DIS3L2: variants seen among roughly 807,000 people sequenced by gnomAD.
DIS3L2 encodes DIS3 like 3'-5' exoribonuclease 2.
In DIS3L2, 34 loss-of-function variants were observed where a neutral mutation model predicts 97.5. The observed-to-expected ratio is 0.35, with a 90% confidence interval of 0.27 to 0.46. The LOEUF (loss-of-function observed/expected upper bound fraction) is 0.46. Ranked by LOEUF, DIS3L2 falls within the 20% of genes least tolerant of loss-of-function variation. DIS3L2 has a pLI of 1.00. For synonymous variants in DIS3L2, 435 were observed against 445.2 expected, an observed-to-expected ratio of 0.98 and a Z score of 0.29; for missense variants, 1,038 against 1,146.0, an observed-to-expected ratio of 0.91 and a Z score of 1.36.
intron 4 of DIS3L2, among the ~76,000 whole-genome samples, chr2:232,029,084 T>C (rs1694736185): frequency 6.6e-6 from 1 of 152,200 alleles, no homozygotes; most frequent in South Asian, 2.1e-4. Context: ...TTGAGTGTTA[T>C]GTTCAATCTT....
chr2:232,027,410 A>G (rs1694688621), intron 4 of DIS3L2, among the ~76,000 whole-genome samples: 1 of 152,208 alleles, frequency 6.6e-6, no homozygotes, highest in Admixed American at 6.5e-5. Context: ...GCAGGAATGA[A>G]TATGAAAGAT....
intron 14 of DIS3L2, 27 bp from the exon 15 acceptor site, chr2:232,329,786 C>CCCCGG: frequency 2.3e-6 from 1 of 430,238 alleles, no homozygotes; most frequent in Non-Finnish European, 4.2e-6. Context: ...CCCCAGCGGT[C>CCCCGG]CCTCCCATCC....
chr2:232,136,614 T>C lies in DIS3L2; in HGVS notation c.845T>C (p.Leu282Pro). ...DHRVPRIYVP[L>P]KDCPQDFVAR... ...CGAGTGCCTAGAATTTATGTGCCTC[T>C]CAAGGACTGTCCCCAGGACTTTGTG... Residue 282 changes from leucine (L) to proline (P), a missense_variant, in exon 8 of 21, where the codon CTC becomes CCC. This residue lies in a region of DIS3L2 where 813 missense variants were observed against 880.1 expected (regional missense o/e 0.92). Transcript: ENST00000325385. 1 of 1,613,986 alleles carries C rather than the reference T, an allele frequency of 6.2e-7. No individual in the cohort carries two copies. The highest frequency in any genetic ancestry group is 1.3e-5 in the African/African-American group (1 of 74,984).
At chr2:232,271,215 A>G (rs906801420) in intron 13 of DIS3L2, among the ~76,000 whole-genome samples, 1 of 152,188 alleles carries the variant, frequency 6.6e-6, no homozygotes, top group African/African-American at 2.4e-5. Context: ...CTTTCCTCTC[A>G]TTAGAATCCT....
At chr2:231,994,310 A>G (rs1395004656) in intron 1 of DIS3L2, among the ~76,000 whole-genome samples, 1 of 152,096 alleles carries the variant, frequency 6.6e-6, no homozygotes, top group Admixed American at 6.5e-5. Flanking sequence ...ATCAGATAGT[A>G]TGATTCCTCC....
rs1010554157 is a variant in DIS3L2 at position 232,095,971 on chromosome 2, CTTTTCT to C, written c.601+8264_601+8269del. Among the ~76,000 whole-genome samples the C allele has an allele frequency of 3.9e-4, 59 of 150,594 alleles. 1 individual carries two copies. The highest frequency in any genetic ancestry group is 1.3e-3 in the African/African-American group (55 of 41,202). On this transcript the variant is annotated intron_variant, in intron 6 of 20. Coordinates refer to ENST00000325385, the MANE Select transcript of DIS3L2 (RefSeq NM_152383.5). ...TTGTTTGTTTGTTTCTCTCTCTTTT[CTTTTCT>C]TTTTCTTTTTCTTCTTTTCTTTTCT...
At chr2:232,321,582 AGGAGAGGCTGCACAG>A (rs1695433266) in intron 14 of DIS3L2, among the ~76,000 whole-genome samples, 1 of 152,084 alleles carries the variant, frequency 6.6e-6, no homozygotes, top group South Asian at 2.1e-4. Context: ...GCGTCAGCAA[AGGAGAGGCTGCACAG>A]GGCGCCTTCG....
At chr2:231,994,052 T>C (rs929635005) in intron 1 of DIS3L2, among the ~76,000 whole-genome samples, 2 of 151,666 alleles carry the variant, frequency 1.3e-5, no homozygotes, top group African/African-American at 4.8e-5. Context: ...ATATATGGTC[T>C]GAGGCAAAGG....
At chr2:232,260,419 A>G (rs1480147337) in intron 12 of DIS3L2, 1 of 152,030 alleles carries the variant, frequency 6.6e-6, no homozygotes, top group East Asian at 1.9e-4. Context: ...TGCACATGGC[A>G]CTCCCCACTG....
At chr2:232,177,140 A>AT (rs1373423881) in intron 9 of DIS3L2, among the ~76,000 whole-genome samples, 3 of 145,936 alleles carry the variant, frequency 2.1e-5, no homozygotes, top group Admixed American at 6.9e-5. Flanking sequence ...TAAACTCATC[A>AT]TTTTTTATGG....
At chr2:232,340,811 G>C (rs1197406956), downstream of DIS3L2, 1 of 471,512 alleles carries the variant, frequency 2.1e-6, no homozygotes, top group Non-Finnish European at 4.4e-6. Flanking sequence ...AAGCCCCTTG[G>C]TGTGCTCAGA....
intron 5 of DIS3L2, among the ~76,000 whole-genome samples, chr2:232,084,354 T>C (rs1696507382): frequency 6.6e-6 from 1 of 152,158 alleles, no homozygotes; most frequent in African/African-American, 2.4e-5. Context: ...TTTTTCGGAT[T>C]TTGGAATATT....
intron 11 of DIS3L2, among the ~76,000 whole-genome samples, chr2:232,245,745 T>C (rs1428554401): frequency 6.6e-6 from 1 of 152,232 alleles, no homozygotes; most frequent in African/African-American, 2.4e-5. Context: ...ATTAATAAAA[T>C]GTCTTCTGTG....
intron 1 of DIS3L2, among the ~76,000 whole-genome samples, chr2:232,000,657 C>CCTTTCCTTTCCTTTCT (rs1693863209): frequency 1.5e-5 from 2 of 137,238 alleles, no homozygotes; most frequent in Admixed American, 7.6e-5. Context: ...CCTTTCCTTT[C>CCTTTCCTTTCCTTTCT]CTTTCTCTTT....
intron 5 of DIS3L2, among the ~76,000 whole-genome samples, chr2:232,053,884 G>A (rs1695475126): frequency 6.6e-6 from 1 of 152,030 alleles, no homozygotes; most frequent in Non-Finnish European, 1.5e-5. Context: ...TTAAATCATT[G>A]GCCATTGAAC....
At chr2:232,007,249 C>T (rs534094313) in intron 1 of DIS3L2, among the ~76,000 whole-genome samples, 4 of 152,232 alleles carry the variant, frequency 2.6e-5, no homozygotes, top group African/African-American at 7.2e-5. Flanking sequence ...GGGACATTTT[C>T]CCCTCTAAAA....
intron 6 of DIS3L2, among the ~76,000 whole-genome samples, chr2:232,089,014 A>G (rs1184645439): frequency 6.6e-6 from 1 of 152,224 alleles, no homozygotes; most frequent in African/African-American, 2.4e-5. Flanking sequence ...GAAGATTTCT[A>G]AAGGAGGATG....
chr2:232,097,184 G>A (rs1259920464), intron 6 of DIS3L2, among the ~76,000 whole-genome samples: 1 of 152,162 alleles, frequency 6.6e-6, no homozygotes, highest in Non-Finnish European at 1.5e-5. Flanking sequence ...CTGCCTTGGT[G>A]GTCTTGGATA....
chr2:232,096,900 C>T (rs1697034587), intron 6 of DIS3L2, among the ~76,000 whole-genome samples: 2 of 152,128 alleles, frequency 1.3e-5, no homozygotes, highest in African/African-American at 2.4e-5. Flanking sequence ...TTACATATCT[C>T]TGTTTCTTCA....
Sources: allele counts gnomAD v4.1 joint callset (sites outside exome capture counted in the v4.1 genomes callset), GRCh38; gene constraint gnomAD v4.1.1; regional missense constraint gnomAD v4.1.1; transcripts MANE v1.5; gene names NCBI Gene and HGNC (gene_info 2026-07-23, HGNC 2026-07-21).